Variants in BCL2L1 observed in about 807,000 individuals in gnomAD.
The protein encoded by BCL2L1 is BCL2 like 1.
Under a neutral mutation model 18.7 loss-of-function variants are expected in BCL2L1, and 1 was observed. The ratio of observed to expected loss-of-function variants is 0.05; its 90% CI spans 0.02 to 0.25. BCL2L1 has a LOEUF of 0.25. Ranked by LOEUF, BCL2L1 falls within the 10% of genes least tolerant of loss-of-function variation. BCL2L1 has a pLI of 1.00. For missense variants in BCL2L1, 207 were observed against 304.9 expected (o/e 0.68, Z 2.39); for synonymous variants, 103 against 122.7 (o/e 0.84, Z 1.06).
chr20:31,669,631 G>A (rs892922331), intron 2 of BCL2L1, among the ~76,000 whole-genome samples: 17 of 151,786 alleles, frequency 1.1e-4, no homozygotes, highest in African/African-American at 4.1e-4. Context: ...GTAGAGATGG[G>A]GTTTCACCAT....
chr20:31,714,296 T>C (rs1184199073), intron 2 of BCL2L1, among the ~76,000 whole-genome samples: 1 of 152,128 alleles, frequency 6.6e-6, no homozygotes, highest in Non-Finnish European at 1.5e-5. Context: ...TTGGCCAAGG[T>C]GAGACTGAGA....
intron 2 of BCL2L1, among the ~76,000 whole-genome samples, chr20:31,719,024 A>G (rs1354168005): frequency 6.6e-6 from 1 of 152,224 alleles, no homozygotes; most frequent in Non-Finnish European, 1.5e-5. Flanking sequence ...GCTGAGGGAC[A>G]CCTGGGGTCA....
intron 2 of BCL2L1, among the ~76,000 whole-genome samples, chr20:31,676,912 T>G (rs2122504365): frequency 6.6e-6 from 1 of 152,316 alleles, no homozygotes; most frequent in South Asian, 2.1e-4. Flanking sequence ...GTCAGGGAGC[T>G]GATGCTCGTC....
intron 2 of BCL2L1, chr20:31,713,237 G>C (rs1158585434): frequency 1.0e-6 from 1 of 976,484 alleles, no homozygotes; most frequent in Non-Finnish European, 1.2e-6. Context: ...CTAGGGTAGG[G>C]GGTAATGGCC....
chr20:31,703,216 G>C (rs1313063655), intron 2 of BCL2L1, among the ~76,000 whole-genome samples: 1 of 150,076 alleles, frequency 6.7e-6, no homozygotes, highest in East Asian at 2.1e-4. Flanking sequence ...GGCTAATTTT[G>C]TATTTTTAGT....
intron 2 of BCL2L1, among the ~76,000 whole-genome samples, chr20:31,668,175 C>T (rs557315414): frequency 2.0e-5 from 3 of 152,190 alleles, no homozygotes; most frequent in East Asian, 3.9e-4. Flanking sequence ...CCCAGGTCGT[C>T]GCCTGCCTCA....
intron 2 of BCL2L1, chr20:31,713,331 G>C (rs2061480731): frequency 1.0e-6 from 1 of 985,236 alleles, no homozygotes; most frequent in Admixed American, 6.2e-5. Flanking sequence ...AGGAGGAAAG[G>C]GTAGGGAGCA....
At chr20:31,719,255 G>C (rs1375553647) in intron 2 of BCL2L1, among the ~76,000 whole-genome samples, 1 of 152,114 alleles carries the variant, frequency 6.6e-6, no homozygotes, top group Non-Finnish European at 1.5e-5. Flanking sequence ...TACTTAACAG[G>C]TACTCAATAA....
chr20:31,695,236 T>C (rs900336576), intron 2 of BCL2L1, among the ~76,000 whole-genome samples: 11 of 152,218 alleles, frequency 7.2e-5, no homozygotes, highest in East Asian at 1.9e-4. Flanking sequence ...CTCTTACCCA[T>C]AGAGTTTGTT....
At chr20:31,669,835 A>C (rs1000293006) in intron 2 of BCL2L1, among the ~76,000 whole-genome samples, 3 of 152,204 alleles carry the variant, frequency 2.0e-5, no homozygotes, top group African/African-American at 7.2e-5. Context: ...ATGAGAATAC[A>C]TGAGTTAACA....
At chr20:31,682,075 G>A (rs1172010198) in intron 2 of BCL2L1, among the ~76,000 whole-genome samples, 2 of 152,214 alleles carry the variant, frequency 1.3e-5, no homozygotes, top group Non-Finnish European at 2.9e-5. Context: ...TAGGAGAGAA[G>A]AAGCATCAGA....
intron 2 of BCL2L1, among the ~76,000 whole-genome samples, chr20:31,715,080 C>T (rs1015375513): frequency 1.3e-5 from 2 of 152,100 alleles, no homozygotes; most frequent in African/African-American, 4.8e-5. Context: ...CGAGACCATC[C>T]TGACTAACAT....
intron 2 of BCL2L1, among the ~76,000 whole-genome samples, chr20:31,671,954 CTATA>C (rs2060677588): frequency 7.0e-6 from 1 of 142,442 alleles, no homozygotes; most frequent in Non-Finnish European, 1.5e-5. Context: ...ATATCTATAT[CTATA>C]TATACTATAT....
chr20:31,710,475 G>A (rs1162845222), intron 2 of BCL2L1, among the ~76,000 whole-genome samples: 3 of 152,232 alleles, frequency 2.0e-5, no homozygotes, highest in African/African-American at 7.2e-5. Context: ...TGCTGAGAAA[G>A]CTATGATTAT....
At chr20:31,697,517 A>C (rs1000033843) in intron 2 of BCL2L1, among the ~76,000 whole-genome samples, 2 of 151,684 alleles carry the variant, frequency 1.3e-5, no homozygotes, top group African/African-American at 4.9e-5. Context: ...GACTCACTGC[A>C]ACCTCCACCT....
In BCL2L1 at chr20:31,665,464, G is replaced by A. The variant is rs745601479; in HGVS notation, c.*485C>T. Reference sequence around the variant, plus strand: ...CCCCTAAATGGCTCTTAGGGGGTAGGGATGGAAGGAAAGGGAACCCAGGTT... The same window carrying A: ...CCCCTAAATGGCTCTTAGGGGGTAGAGATGGAAGGAAAGGGAACCCAGGTT... On this transcript the variant is annotated 3_prime_UTR_variant, in exon 3 of 3. Transcript: ENST00000307677. 22 of 158,664 alleles carry A rather than the reference G, an allele frequency of 1.4e-4. No individual in the cohort carries two copies. The highest frequency in any genetic ancestry group is 2.8e-4 in the Non-Finnish European group (20 of 72,072). The allele number at this position is 158,664 out of a possible 1,614,324, so 9.8% of individuals were successfully genotyped here. A position where few individuals can be genotyped will look rare whatever the true frequency, so the allele number is the denominator to read the frequency against.
chr20:31,711,825 G>C (rs189331182), intron 2 of BCL2L1, among the ~76,000 whole-genome samples: 2 of 152,220 alleles, frequency 1.3e-5, no homozygotes, highest in East Asian at 3.9e-4. Flanking sequence ...CTTATAAAAG[G>C]AGTTTGGTAA....
At chr20:31,688,845 G>C (rs959339160) in intron 2 of BCL2L1, among the ~76,000 whole-genome samples, 8 of 152,186 alleles carry the variant, frequency 5.3e-5, no homozygotes, top group African/African-American at 1.9e-4. Flanking sequence ...AAAAGACTGA[G>C]AAAGCTTTTA....
intron 2 of BCL2L1, among the ~76,000 whole-genome samples, chr20:31,700,490 A>G (rs1277830004): frequency 1.3e-5 from 2 of 152,206 alleles, no homozygotes; most frequent in Non-Finnish European, 2.9e-5. Context: ...ACCTGGTTCT[A>G]GCTGACCTTT....
Sources: gnomAD v4.1 joint callset for allele counts (sites outside exome capture counted in the v4.1 genomes callset) on GRCh38, gnomAD v4.1.1 for gene constraint, MANE v1.5 for transcripts, NCBI Gene and HGNC (gene_info 2026-07-23, HGNC 2026-07-21) for gene names.